TCF12: variants seen among roughly 807,000 people sequenced by gnomAD.
TCF12 encodes the protein DNA-binding protein HTF4.
Under a neutral mutation model 86.0 loss-of-function variants are expected in TCF12, and 45 were observed. The observed-to-expected ratio is 0.52, with a 90% CI of 0.41 to 0.67. The LOEUF (loss-of-function observed/expected upper bound fraction) is 0.67. Ranked by LOEUF, TCF12 falls within the 30% of genes least tolerant of loss-of-function variation. TCF12 has a pLI of 0.00. For synonymous variants in TCF12, 330 were observed against 299.6 expected (o/e 1.10, Z -1.05); for missense variants, 881 against 859.9 (o/e 1.02, Z -0.31).
chr15:57,233,650 C>G (rs1566958717), intron 11 of TCF12, among the ~76,000 whole-genome samples: 1 of 152,162 alleles, frequency 6.6e-6, no homozygotes, highest in East Asian at 1.9e-4. Context: ...GCTAATTTTC[C>G]ATTTTTAGCA....
At chr15:57,248,599 T>G (rs2059969149) in intron 13 of TCF12, among the ~76,000 whole-genome samples, 1 of 152,234 alleles carries the variant, frequency 6.6e-6, no homozygotes, top group Non-Finnish European at 1.5e-5. Flanking sequence ...AATTCTCAGT[T>G]TCAGCTAATC....
chr15:57,251,944 A>G (rs1164156411), intron 14 of TCF12, among the ~76,000 whole-genome samples: 1 of 151,698 alleles, frequency 6.6e-6, no homozygotes, highest in Non-Finnish European at 1.5e-5. Context: ...CAAGCAAAAC[A>G]TTATTTAACA....
At position 57,255,194 on chromosome 15, in the gene TCF12, C is replaced by T. The variant is rs560399796; in HGVS notation, c.1467+1726C>T. Among the ~76,000 whole-genome samples, 22 of 152,230 alleles carry T rather than the reference C, an allele frequency of 1.4e-4. 1 individual carries two copies. In the South Asian group the frequency reaches 4.4e-3, roughly 30 times the overall value. On this transcript the variant is annotated intron_variant, in intron 16 of 20. Transcript: ENST00000333725. Reference sequence around the variant, plus strand: ...AGTATTTATTATATATCTGGCTCCTCCCAGTTGGAGTTTGCATAAAATGGA... The same window carrying T: ...AGTATTTATTATATATCTGGCTCCTTCCAGTTGGAGTTTGCATAAAATGGA...
chr15:57,163,204 A>G (rs188850265), intron 5 of TCF12, among the ~76,000 whole-genome samples: 1 of 152,114 alleles, frequency 6.6e-6, no homozygotes, highest in Non-Finnish European at 1.5e-5. Context: ...AATGTAGTTC[A>G]CTAATTAAAA....
chr15:56,956,316 T>C (rs187205526), intron 3 of TCF12, among the ~76,000 whole-genome samples: 2 of 152,032 alleles, frequency 1.3e-5, no homozygotes, highest in African/African-American at 2.4e-5. Context: ...TCCTTTTATA[T>C]TAATAGAATA....
chr15:57,201,375 T>C (rs1014156337), intron 8 of TCF12, among the ~76,000 whole-genome samples: 1 of 152,156 alleles, frequency 6.6e-6, no homozygotes, highest in Non-Finnish European at 1.5e-5. Flanking sequence ...CAGGAAGAGT[T>C]GACATTTAAG....
chr15:57,072,848 A>G (rs1302037963), intron 4 of TCF12: 8 of 458,238 alleles, frequency 1.7e-5, no homozygotes, highest in Non-Finnish European at 2.6e-5. Context: ...TTAGGTTTAA[A>G]TAAAGCCAGA....
intron 20 of TCF12, among the ~76,000 whole-genome samples, chr15:57,283,734 A>G (rs1330026300): frequency 6.6e-6 from 1 of 152,240 alleles, no homozygotes; most frequent in Non-Finnish European, 1.5e-5. Flanking sequence ...TTTTGAACTG[A>G]AAGTCTGGAA....
At chr15:56,936,642 A>C (rs1389802366) in intron 3 of TCF12, among the ~76,000 whole-genome samples, 1 of 152,044 alleles carries the variant, frequency 6.6e-6, no homozygotes, top group African/African-American at 2.4e-5. Flanking sequence ...ATCCATCTTG[A>C]GTTGATTTTT....
chr15:57,286,277 C>A lies in TCF12; in HGVS notation c.*132C>A. 5.2e-6 allele frequency: 1 copy of A among 190,766 alleles called. No individual in the cohort carries two copies. Among genetic ancestry groups the A allele is most frequent in the African/African-American group, 2.4e-5 (1 of 42,322 alleles). 11.8% of individuals were successfully genotyped at this position (190,766 alleles called of 1,614,324 possible). On this transcript the variant is annotated 3_prime_UTR_variant, in exon 21 of 21. Coordinates refer to ENST00000333725, the MANE Select transcript of TCF12 (RefSeq NM_207037.2). ...AGAAGAAAAAACAAAACACTTGAAC[C>A]AAGAAACTCAAATGTAATCCTACGA...
In TCF12 at chr15:57,252,461, A is replaced by G; in HGVS notation, c.1229A>G (p.Asp410Gly). Residue 410 changes from aspartate (D) to glycine (G), a missense_variant, in exon 15 of 21, where the codon GAT becomes GGT. Asp to Gly is a moderately conservative substitution (Grantham distance 94, BLOSUM62 -1). Coordinates refer to ENST00000333725, the MANE Select transcript of TCF12 (RefSeq NM_207037.2). The part of the protein sequence containing the change: ...VEQQLHEHLQ[D>G]AMSFLKDVCE... Reference sequence around the variant, plus strand: ...CAGCAACTTCACGAGCATTTGCAAGATGCAATGTCCTTCTTAAAGGATGTC... The same window carrying G: ...CAGCAACTTCACGAGCATTTGCAAGGTGCAATGTCCTTCTTAAAGGATGTC... 1 of 1,614,014 alleles carries G rather than the reference A, an allele frequency of 6.2e-7. No homozygotes were observed. Among genetic ancestry groups the G allele is most frequent in the Non-Finnish European group, 8.5e-7 (1 of 1,179,918 alleles).
At chr15:57,051,355 G>A (rs1327798774) in intron 3 of TCF12, among the ~76,000 whole-genome samples, 1 of 152,080 alleles carries the variant, frequency 6.6e-6, no homozygotes, top group Non-Finnish European at 1.5e-5. Flanking sequence ...AGATTGGAGG[G>A]GAAATTAAAT....
chr15:57,013,983 C>T (rs755262748), intron 3 of TCF12, among the ~76,000 whole-genome samples: 6 of 152,220 alleles, frequency 3.9e-5, no homozygotes, highest in Middle Eastern at 3.4e-3. Flanking sequence ...TTACAAAGTA[C>T]TCTTAAGTTT....
rs189121112 is a variant in TCF12, at chr15:57,102,367, G to T, written c.325+10476G>T. ...AATCCCAGCACTTTGGGAGGCTGTG[G>T]CAGGTGGATTACCTGAGGTCAGGAG... On this transcript the variant is annotated intron_variant, in intron 5 of 20. Coordinates refer to ENST00000333725, the MANE Select transcript of TCF12 (RefSeq NM_207037.2). Among the ~76,000 whole-genome samples, 628 of 152,314 alleles carry T rather than the reference G, an allele frequency of 4.1e-3. 7 individuals are homozygous for T. Among genetic ancestry groups the T allele is most frequent in the African/African-American group, 0.014 (596 of 41,566 alleles).
chr15:57,145,950 A>G (rs1359431089), intron 5 of TCF12, among the ~76,000 whole-genome samples: 2 of 152,228 alleles, frequency 1.3e-5, no homozygotes, highest in Non-Finnish European at 2.9e-5. Flanking sequence ...ATCATCTGGT[A>G]TGGTACCCGA....
intron 5 of TCF12, among the ~76,000 whole-genome samples, chr15:57,161,206 G>C (rs985969080): frequency 6.6e-6 from 1 of 152,186 alleles, no homozygotes; most frequent in Non-Finnish European, 1.5e-5. Context: ...AATAGCATTA[G>C]TTTGTATTTC....
chr15:57,197,860 C>T (rs370685942), intron 8 of TCF12, 35 bp downstream of exon 8: 1 of 1,604,576 alleles, frequency 6.2e-7, no homozygotes. Flanking sequence ...TGATGGTAAA[C>T]AAACTGATTT....
chr15:57,209,294 A>G (rs1223175124), intron 8 of TCF12, among the ~76,000 whole-genome samples: 1 of 152,188 alleles, frequency 6.6e-6, no homozygotes, highest in African/African-American at 2.4e-5. Context: ...GTTAATTCCT[A>G]GTTACCAAAA....
intron 5 of TCF12, among the ~76,000 whole-genome samples, chr15:57,109,758 A>G (rs1047667503): frequency 2.6e-5 from 4 of 152,214 alleles, no homozygotes; most frequent in Non-Finnish European, 4.4e-5. Flanking sequence ...TTAAAAGTTA[A>G]GGGATTTTTA....
Sources: allele counts gnomAD v4.1 joint callset (sites outside exome capture counted in the v4.1 genomes callset), GRCh38; gene constraint gnomAD v4.1.1; transcripts MANE v1.5; gene names NCBI Gene and HGNC (gene_info 2026-07-23, HGNC 2026-07-21).